Variants in HCN1 observed in about 807,000 individuals in gnomAD.
HCN1 encodes potassium/sodium hyperpolarization-activated cyclic nucleotide-gated channel 1.
In HCN1, 13 loss-of-function variants were observed where a neutral mutation model predicts 78.9. The ratio of observed to expected loss-of-function variants is 0.16; its 90% CI spans 0.11 to 0.26. The LOEUF is 0.26. Among genes scored for constraint, HCN1 ranks in the 10% least tolerant of loss-of-function variants. The pLI is 1.00. For missense variants in HCN1, 810 were observed against 1,154.3 expected, an observed-to-expected ratio of 0.70 and a Z score of 4.32; for synonymous variants, 552 against 455.5, an observed-to-expected ratio of 1.21 and a Z score of -2.70.
intron 5 of HCN1, among the ~76,000 whole-genome samples, chr5:45,327,825 C>A (rs1746266312): frequency 6.6e-6 from 1 of 151,566 alleles, no homozygotes; most frequent in Admixed American, 6.6e-5. Flanking sequence ...GAAAAGGAAG[C>A]CCTCTGCAAA....
intron 2 of HCN1, among the ~76,000 whole-genome samples, chr5:45,578,067 C>T (rs543670265): frequency 1.3e-4 from 19 of 151,918 alleles, no homozygotes; most frequent in Non-Finnish European, 2.1e-4. Flanking sequence ...CAAAATTAAA[C>T]AACTGAGAGG....
chr5:45,467,162 C>A (rs1296233321), intron 2 of HCN1, among the ~76,000 whole-genome samples: 4 of 152,018 alleles, frequency 2.6e-5, no homozygotes, highest in Non-Finnish European at 5.9e-5. Context: ...GCTTTCTCTA[C>A]TTCTCTGCTT....
At chr5:45,355,697 GA>G (rs1298857383) in intron 4 of HCN1, among the ~76,000 whole-genome samples, 1 of 151,894 alleles carries the variant, frequency 6.6e-6, no homozygotes, top group Non-Finnish European at 1.5e-5. Flanking sequence ...CAAATGAGGC[GA>G]AAAGGCTAAA....
At chr5:45,446,693 CAG>C (rs1313488359) in intron 3 of HCN1, among the ~76,000 whole-genome samples, 6 of 152,192 alleles carry the variant, frequency 3.9e-5, no homozygotes, top group African/African-American at 1.2e-4. Flanking sequence ...GATCTCTCAG[CAG>C]AAACTCTACA....
rs556739779 is a variant in HCN1, at chr5:45,500,099, T to G, written c.850-38092A>C. ...ACAATGTTATGCTTATTGGGAAAAT[T>G]ATACCATGGATGTTTCCAGGGACAA... On this transcript the variant is annotated intron_variant, in intron 2 of 7. Transcript: ENST00000303230. Among the ~76,000 whole-genome samples, 9 of 152,254 alleles carry G rather than the reference T, an allele frequency of 5.9e-5. No homozygotes were observed. In the East Asian group the frequency reaches 1.7e-3, roughly 29 times the overall value.
chr5:45,372,519 T>C (rs1321995918), intron 4 of HCN1, among the ~76,000 whole-genome samples: 4 of 126,110 alleles, frequency 3.2e-5, no homozygotes, highest in African/African-American at 1.2e-4. Context: ...CATTTACATA[T>C]AAAAATATAT....
At chr5:45,570,511 A>G (rs1460303645) in intron 2 of HCN1, among the ~76,000 whole-genome samples, 1 of 152,178 alleles carries the variant, frequency 6.6e-6, no homozygotes, top group African/African-American at 2.4e-5. Context: ...CACTGATAAG[A>G]CAAGCTATTT....
At chr5:45,663,414 A>T (rs1458396093) in intron 1 of HCN1, among the ~76,000 whole-genome samples, 1 of 126,520 alleles carries the variant, frequency 7.9e-6, no homozygotes, top group Non-Finnish European at 1.6e-5. Flanking sequence ...CTTCATGTCC[A>T]AAACACCAAA....
At chr5:45,304,428 A>T (rs1418577301) in intron 5 of HCN1, among the ~76,000 whole-genome samples, 1 of 152,122 alleles carries the variant, frequency 6.6e-6, no homozygotes, top group Non-Finnish European at 1.5e-5. Context: ...CTGTAATTCC[A>T]GCACTTTGGG....
intron 1 of HCN1, among the ~76,000 whole-genome samples, chr5:45,663,074 A>T (rs1303679601): frequency 6.7e-6 from 1 of 149,854 alleles, no homozygotes; most frequent in Non-Finnish European, 1.5e-5. Flanking sequence ...AGGCTACAGT[A>T]ACCAAAACAG....
chr5:45,567,251 A>C (rs1051171570), intron 2 of HCN1, among the ~76,000 whole-genome samples: 3 of 151,486 alleles, frequency 2.0e-5, no homozygotes, highest in African/African-American at 7.3e-5. Flanking sequence ...TTTCTTCTTC[A>C]AAAATTATTT....
chr5:45,690,371 A>G (rs1275025686), intron 1 of HCN1, among the ~76,000 whole-genome samples: 1 of 152,100 alleles, frequency 6.6e-6, no homozygotes, highest in Non-Finnish European at 1.5e-5. Context: ...CATGAAATCA[A>G]TCTTATCAAA....
chr5:45,672,866 AAT>A (rs1206669061), intron 1 of HCN1, among the ~76,000 whole-genome samples: 5 of 151,340 alleles, frequency 3.3e-5, no homozygotes, highest in African/African-American at 7.3e-5. Context: ...TACAGAAAAT[AAT>A]AGAGTTCCCA....
At position 45,675,437 on chromosome 5, in the gene HCN1, T is replaced by G. The variant is rs986853426; in HGVS notation, c.425+20232A>C. On this transcript the variant is annotated intron_variant, in intron 1 of 7. Transcript: ENST00000303230. ...ACTAGTGATCCTTGATTCAAACACA[T>G]CCAAAAGCCAAAACCCAAATGTGGT... Among the ~76,000 whole-genome samples, 5 of 151,674 alleles carry G rather than the reference T, an allele frequency of 3.3e-5. No individual in the cohort carries two copies. In the Admixed American group the frequency reaches 3.3e-4, roughly 10 times the overall value.
At chr5:45,617,220 C>A (rs2111988437) in intron 2 of HCN1, 1 of 152,180 alleles carries the variant, frequency 6.6e-6, no homozygotes, top group East Asian at 1.9e-4. Context: ...TGACCTTGGA[C>A]AAGTTAATAA....
intron 6 of HCN1, among the ~76,000 whole-genome samples, chr5:45,282,205 T>C (rs1745182894): frequency 6.6e-6 from 1 of 152,214 alleles, no homozygotes; most frequent in Non-Finnish European, 1.5e-5. Flanking sequence ...TGAAAACTAC[T>C]TTGTAGTTAC....
At chr5:45,333,405 G>T (rs1483846168) in intron 5 of HCN1, among the ~76,000 whole-genome samples, 4 of 151,612 alleles carry the variant, frequency 2.6e-5, no homozygotes, top group Non-Finnish European at 4.4e-5. Context: ...TATTAGATGG[G>T]TGTGTTGCAA....
rs1561077069 is a variant in HCN1, at chr5:45,257,964, T to TTTTTTTTTTTTTTTTTTTTTTTTTGAG, written c.*3956_*3957insCTCAAAAAAAAAAAAAAAAAAAAAAAA. 6.6e-6 allele frequency: 1 copy of TTTTTTTTTTTTTTTTTTTTTTTTTGAG among 151,934 alleles called. No homozygotes were observed. Among genetic ancestry groups the TTTTTTTTTTTTTTTTTTTTTTTTTGAG allele is most frequent in the African/African-American group, 2.4e-5 (1 of 41,222 alleles). The allele number at this position is 151,934 out of a possible 1,614,324, so 9.4% of individuals were successfully genotyped here. A position where few individuals can be genotyped will look rare whatever the true frequency, so the allele number is the denominator to read the frequency against. On this transcript the variant is annotated 3_prime_UTR_variant, in exon 8 of 8. Transcript: ENST00000303230. The stretch of plus-strand genomic sequence containing the variant: ...CCCATGGTACAGTATGAGTACTTTT[T>TTTTTTTTTTTTTTTTTTTTTTTTTGAG]AAAGTAGGTGAACATAAAATAAAAG...
In HCN1 at chr5:45,695,658, G is replaced by A; in HGVS notation, c.425+11C>T. ...TGAAGGGAGGGTGGGGCGGCGACCG[G>A]GAGCCCTCACCTGAAATCACTGTAA... On this transcript the variant is annotated intron_variant, in intron 1 of 7. Transcript: ENST00000303230. 6.2e-7 allele frequency: 1 copy of A among 1,610,726 alleles called. No individual in the cohort carries two copies. Among genetic ancestry groups the A allele is most frequent in the South Asian group, 1.1e-5 (1 of 90,810 alleles).
Sources: allele counts gnomAD v4.1 joint callset (sites outside exome capture counted in the v4.1 genomes callset), GRCh38; gene constraint gnomAD v4.1.1; transcripts MANE v1.5; gene names NCBI Gene and HGNC (gene_info 2026-07-23, HGNC 2026-07-21).